Variants in ZBTB46 observed in about 807,000 individuals in gnomAD.
ZBTB46 encodes zinc finger and BTB domain-containing protein 46.
A neutral mutation model predicts 44.1 loss-of-function variants in ZBTB46; 8 were observed. The observed-to-expected ratio is 0.18, with a 90% CI of 0.11 to 0.33. The LOEUF is 0.33. Among genes scored for constraint, ZBTB46 ranks in the 10% least tolerant of loss-of-function variants. The pLI, the probability that ZBTB46 is intolerant of heterozygous loss-of-function variation, is 1.00. For synonymous variants in ZBTB46, 409 were observed against 382.3 expected (o/e 1.07, Z -0.81); for missense variants, 651 against 847.7 (o/e 0.77, Z 2.88).
intron 1 of ZBTB46, among the ~76,000 whole-genome samples, chr20:63,824,188 T>C (rs934705163): frequency 2.0e-5 from 3 of 152,084 alleles, no homozygotes; most frequent in African/African-American, 7.2e-5. Context: ...CCGAGTCTTG[T>C]GGGTCTGCAG....
chr20:63,755,865 C>T (rs1312586869), intron 3 of ZBTB46, among the ~76,000 whole-genome samples: 1 of 152,196 alleles, frequency 6.6e-6, no homozygotes, highest in Non-Finnish European at 1.5e-5. Flanking sequence ...TACACGGAAA[C>T]GGGCACTCTC....
At position 63,752,535 on chromosome 20, in the gene ZBTB46, C is replaced by T. The variant is rs890445410; in HGVS notation, c.1398+151G>A. ...GGCCGGGGCAGAGCAGACAGGGGCC[C>T]GGGGCGGATCTCCCTGCCCTGCTGT... is the stretch of plus-strand genomic sequence containing the variant. On this transcript the variant is annotated intron_variant, in intron 4 of 4. Transcript: ENST00000245663. This position sits in a 1 kb window ranked among gnomAD's most constrained non-coding sequence, Gnocchi z 5.6. 1.0e-5 allele frequency: 10 copies of T among 981,880 alleles called. No homozygotes were observed. The South Asian group carries it at 1.8e-4, about 18-fold the overall frequency. The allele number at this position is 981,880 out of a possible 1,614,324, so 60.8% of individuals were successfully genotyped here. A position where few individuals can be genotyped will look rare whatever the true frequency, so the allele number is the denominator to read the frequency against.
At chr20:63,823,888 G>GTGTGTGTGTGTGTGTGTGTGTGTGTGT (rs1414023978) in intron 1 of ZBTB46, among the ~76,000 whole-genome samples, 19 of 151,662 alleles carry the variant, frequency 1.3e-4, no homozygotes, top group African/African-American at 4.4e-4. Flanking sequence ...GTGTGTGTGT[G>GTGTGTGTGTGTGTGTGTGTGTGTGTGT]TTCTTTGGGA....
intron 2 of ZBTB46, among the ~76,000 whole-genome samples, chr20:63,782,486 A>C (rs2092479117): frequency 6.6e-6 from 1 of 152,216 alleles, no homozygotes; most frequent in African/African-American, 2.4e-5. Context: ...CAGACTTCAG[A>C]GAACCGTGAG....
intron 1 of ZBTB46, among the ~76,000 whole-genome samples, chr20:63,820,047 G>A (rs904211565): frequency 3.3e-5 from 5 of 152,164 alleles, no homozygotes; most frequent in South Asian, 2.1e-4. Flanking sequence ...CGTTAGCAAC[G>A]TATAACGAAG....
chr20:63,812,052 G>A (rs568277547), intron 1 of ZBTB46, among the ~76,000 whole-genome samples: 2 of 152,230 alleles, frequency 1.3e-5, no homozygotes, highest in East Asian at 1.9e-4. Context: ...AAGTGGCGGC[G>A]ATCTTTTCGG....
intron 1 of ZBTB46, among the ~76,000 whole-genome samples, chr20:63,822,276 C>T (rs967024910): frequency 1.1e-4 from 16 of 152,218 alleles, no homozygotes; most frequent in African/African-American, 2.4e-4. Flanking sequence ...ACGGGACACA[C>T]GTCCAGCCTT....
At chr20:63,823,858 T>TTGTATGTGTG (rs1555859085) in intron 1 of ZBTB46, among the ~76,000 whole-genome samples, 1 of 144,718 alleles carries the variant, frequency 6.9e-6, no homozygotes, top group African/African-American at 2.6e-5. Flanking sequence ...TCTAGGAACC[T>TTGTATGTGTG]TGTGTGTGTG....
intron 1 of ZBTB46, among the ~76,000 whole-genome samples, chr20:63,810,692 G>A (rs1311788829): frequency 6.6e-6 from 1 of 152,182 alleles, no homozygotes; most frequent in African/African-American, 2.4e-5. Flanking sequence ...GTTACAGTGA[G>A]CCAAAATTGT....
chr20:63,829,624 G>C (rs1277168903), intron 1 of ZBTB46, among the ~76,000 whole-genome samples: 1 of 152,200 alleles, frequency 6.6e-6, no homozygotes, highest in East Asian at 1.9e-4. Flanking sequence ...GTGGTAACCA[G>C]GCTGAGGTGC....
Position 63,752,301 on chromosome 20 carries a change from C to T in ZBTB46, c.1398+385G>A, listed in dbSNP as rs1021548745. Among the ~76,000 whole-genome samples, 1 of 142,660 alleles carries T rather than the reference C, an allele frequency of 7.0e-6. No homozygotes were observed. Among genetic ancestry groups the T allele is most frequent in the Non-Finnish European group, 1.5e-5 (1 of 64,630 alleles). The allele number at this position is 142,660 out of a possible 152,430, so 93.6% of individuals were successfully genotyped here. ...CCAGTGCTGAGCTCCAGGGTGGGCG[C>T]GGTGGGTGCAGACAGGTCGGCAGGC... On this transcript the variant is annotated intron_variant, in intron 4 of 4. Transcript: ENST00000245663. This position sits in a 1 kb window ranked among gnomAD's most constrained non-coding sequence, Gnocchi z 5.6.
intron 1 of ZBTB46, among the ~76,000 whole-genome samples, chr20:63,808,846 G>A (rs1173813426): frequency 1.3e-5 from 2 of 151,582 alleles, no homozygotes. Flanking sequence ...GGCGTGGTGG[G>A]GGCGCCTGCA....
At position 63,787,144 on chromosome 20, in the gene ZBTB46, G is replaced by C. The variant is rs979810995; in HGVS notation, c.937+2677C>G. 6.6e-6 allele frequency among the ~76,000 whole-genome samples: 1 copy of C among 152,128 alleles called. No individual in the cohort carries two copies. The highest frequency in any genetic ancestry group is 2.1e-4 in the South Asian group (1 of 4,820). On this transcript the variant is annotated intron_variant, in intron 2 of 4. Coordinates refer to ENST00000245663, the MANE Select transcript of ZBTB46 (RefSeq NM_001369741.1). The surrounding 1 kb of genome is among the most constrained non-coding windows in gnomAD (Gnocchi z 4.6). The stretch of plus-strand genomic sequence containing the variant: ...TTGGGATGATGGAAAAGTTGTGATC[G>C]CAGAACTTCATGCGCCACAGAAGGG...
At position 63,772,001 on chromosome 20, in the gene ZBTB46, C is replaced by CTTT. The variant is rs11473575; in HGVS notation, c.1222+3674_1222+3676dup. 2.8e-3 allele frequency among the ~76,000 whole-genome samples: 383 copies of CTTT among 138,834 alleles called. 16 individuals are homozygous for CTTT. The highest frequency in any genetic ancestry group is 0.015 in the South Asian group (64 of 4,408). The allele number at this position is 138,834 out of a possible 152,430, so 91.1% of individuals were successfully genotyped here. ...TTTACAGAAAACAAAAGGGCAAATTCTTTTTTTTTTTTTTTTCTGACGAGT... is the reference window on the plus strand; with the variant it reads ...TTTACAGAAAACAAAAGGGCAAATTCTTTTTTTTTTTTTTTTTTTCTGACGAGT... On this transcript the variant is annotated intron_variant, in intron 3 of 4. Coordinates refer to ENST00000245663, the MANE Select transcript of ZBTB46 (RefSeq NM_001369741.1).
chr20:63,756,778 T>C (rs1264417114), intron 3 of ZBTB46, among the ~76,000 whole-genome samples: 3 of 152,246 alleles, frequency 2.0e-5, no homozygotes, highest in African/African-American at 4.8e-5. Flanking sequence ...CGTGGGATCC[T>C]ACCCTCGTGT....
chr20:63,817,871 G>A (rs1046690500), intron 1 of ZBTB46, among the ~76,000 whole-genome samples: 1 of 152,208 alleles, frequency 6.6e-6, no homozygotes, highest in African/African-American at 2.4e-5. Context: ...TGAAGAGGCA[G>A]GAGGACCCTC....
At chr20:63,769,259 G>C (rs1337273444) in intron 3 of ZBTB46, 1 of 985,420 alleles carries the variant, frequency 1.0e-6, no homozygotes, top group Non-Finnish European at 1.2e-6. Context: ...CCTGAGCTGG[G>C]GGAGGCTGTG....
At chr20:63,811,931 A>G (rs931245846) in intron 1 of ZBTB46, among the ~76,000 whole-genome samples, 1 of 152,084 alleles carries the variant, frequency 6.6e-6, no homozygotes, top group Non-Finnish European at 1.5e-5. Flanking sequence ...CTTGCCTGGG[A>G]AAAAAAACTA....
chr20:63,747,941 G>A (rs1186066788), intron 4 of ZBTB46, among the ~76,000 whole-genome samples: 1 of 152,214 alleles, frequency 6.6e-6, no homozygotes, highest in Non-Finnish European at 1.5e-5. Flanking sequence ...GCCCCGCATT[G>A]GACTGGAGCT....
Sources: allele counts gnomAD v4.1 joint callset (sites outside exome capture counted in the v4.1 genomes callset), GRCh38; gene constraint gnomAD v4.1.1; non-coding constraint Gnocchi (gnomAD v3.1); transcripts MANE v1.5; gene names NCBI Gene and HGNC (gene_info 2026-07-23, HGNC 2026-07-21).